The following AKAP6 variants were observed in gnomAD, a reference collection of about 807,000 sequenced individuals.
AKAP6 encodes A-kinase anchoring protein 6, also known as A-kinase anchor protein 6.
Under a neutral mutation model 188.5 loss-of-function variants are expected in AKAP6, and 58 were observed. The ratio of observed to expected loss-of-function variants is 0.31; its 90% CI spans 0.25 to 0.38. The LOEUF is 0.38. Among genes scored for constraint, AKAP6 ranks in the 10% least tolerant of loss-of-function variants. The pLI is 1.00. For synonymous variants in AKAP6, 989 were observed against 998.6 expected, an observed-to-expected ratio of 0.99 and a Z score of 0.18; for missense variants, 2,710 against 2,740.0, an observed-to-expected ratio of 0.99 and a Z score of 0.24.
intron 11 of AKAP6, among the ~76,000 whole-genome samples, chr14:32,758,699 C>T (rs1162953552): frequency 6.6e-6 from 1 of 152,152 alleles, no homozygotes; most frequent in East Asian, 1.9e-4. Context: ...CACCATTGCA[C>T]TCCACCCTGG....
chr14:32,428,083 G>C (rs1428370272), intron 1 of AKAP6, among the ~76,000 whole-genome samples: 1 of 152,150 alleles, frequency 6.6e-6, no homozygotes, highest in Non-Finnish European at 1.5e-5. Context: ...GACAGAGCAG[G>C]AATCTATTTG....
chr14:32,445,826 A>T (rs1890736675), intron 2 of AKAP6, among the ~76,000 whole-genome samples: 1 of 152,172 alleles, frequency 6.6e-6, no homozygotes, highest in African/African-American at 2.4e-5. Flanking sequence ...AAATCCAGAG[A>T]CAATTAGCAT....
At chr14:32,578,961 G>A (rs61983021) in intron 5 of AKAP6, among the ~76,000 whole-genome samples, 24,634 of 152,100 alleles carry the variant, frequency 0.16, 3,009 homozygotes, top group African/African-American at 0.34. Context: ...GCAGTTCACT[G>A]GAGCTTTTGG....
At chr14:32,792,071 T>C (rs1156358965) in intron 12 of AKAP6, among the ~76,000 whole-genome samples, 1 of 152,214 alleles carries the variant, frequency 6.6e-6, no homozygotes, top group Admixed American at 6.5e-5. Context: ...TCTAGCTTTG[T>C]TCTTTTTGCT....
intron 4 of AKAP6, among the ~76,000 whole-genome samples, chr14:32,569,560 G>C (rs1884374271): frequency 6.6e-6 from 1 of 152,124 alleles, no homozygotes; most frequent in South Asian, 2.1e-4. Flanking sequence ...TATATAGTTA[G>C]TTGGTTGGGA....
At chr14:32,629,628 G>A (rs960172416) in intron 7 of AKAP6, among the ~76,000 whole-genome samples, 1 of 151,312 alleles carries the variant, frequency 6.6e-6, no homozygotes, top group Non-Finnish European at 1.5e-5. Context: ...GTAAGAGAAT[G>A]TACAAGTAAG....
chr14:32,822,427 C>T lies in AKAP6; in HGVS notation c.4614C>T (p.Arg1538=), dbSNP rs1323272707. 6.2e-7 allele frequency: 1 copy of T among 1,613,868 alleles called. No homozygotes were observed. The highest frequency in any genetic ancestry group is 1.3e-5 in the African/African-American group (1 of 74,908). ...ILASASHEMD[R]ISYKSGNIEK... ...CAAGTGCATCTCATGAAATGGATCG[C>T]ATTTCATATAAAAGTGGCAATATAG... Residue 1538 remains arginine (R), a synonymous_variant, in exon 13 of 14, where the codon CGC becomes CGT. Transcript: ENST00000280979.
At chr14:32,749,773 G>A (rs1224895940) in intron 11 of AKAP6, among the ~76,000 whole-genome samples, 2 of 152,232 alleles carry the variant, frequency 1.3e-5, no homozygotes, top group Non-Finnish European at 2.9e-5. Flanking sequence ...TAATGACCAA[G>A]TTGAAGAGAT....
chr14:32,476,962 CATAG>C (rs1183391172), intron 2 of AKAP6, among the ~76,000 whole-genome samples: 1 of 152,174 alleles, frequency 6.6e-6, no homozygotes, highest in Non-Finnish European at 1.5e-5. Flanking sequence ...TCTTACAAGT[CATAG>C]ATAGATTCAA....
At chr14:32,468,056 C>T (rs1012053539) in intron 2 of AKAP6, among the ~76,000 whole-genome samples, 2 of 151,976 alleles carry the variant, frequency 1.3e-5, no homozygotes, top group Admixed American at 6.6e-5. Flanking sequence ...CCCTAATTGT[C>T]ATCTCCCTTT....
At position 32,822,516 on chromosome 14, in the gene AKAP6, T is replaced by C. The variant is rs1400036780; in HGVS notation, c.4703T>C (p.Ile1568Thr). Reference sequence around the variant, plus strand: ...TCCCTTTTATCTCATAGTTCATCTATTGAGTCCCTTTCTCCAGGGGGTGAT... The same window carrying C: ...TCCCTTTTATCTCATAGTTCATCTACTGAGTCCCTTTCTCCAGGGGGTGAT... ...QLSLLSHSSS[I>T]ESLSPGGDLF... is the part of the protein sequence containing the mutation. Residue 1568 changes from isoleucine to threonine, a missense_variant, in exon 13 of 14, where the codon ATT (isoleucine) becomes ACT (threonine). Physicochemically the swap from Ile to Thr is moderately conservative, Grantham distance 89. Around this residue, in one of 2 missense-constraint regions of AKAP6, gnomAD observed 2,473 missense variants for 2,426.1 expected, o/e 1.02. Coordinates refer to ENST00000280979, the MANE Select transcript of AKAP6 (RefSeq NM_004274.5). 2 of 1,613,964 alleles carry C rather than the reference T, an allele frequency of 1.2e-6. No homozygotes were observed. The highest frequency in any genetic ancestry group is 1.1e-5 in the South Asian group (1 of 91,082).
chr14:32,471,610 A>T (rs574945232), intron 2 of AKAP6, among the ~76,000 whole-genome samples: 1 of 152,170 alleles, frequency 6.6e-6, no homozygotes, highest in Non-Finnish European at 1.5e-5. Flanking sequence ...TTCATTGTAA[A>T]CCCTTTCAAC....
intron 9 of AKAP6, among the ~76,000 whole-genome samples, chr14:32,729,217 T>G (rs1196279645): frequency 1.3e-5 from 2 of 152,084 alleles, no homozygotes; most frequent in Non-Finnish European, 1.5e-5. Context: ...CAATTAACAC[T>G]GTTTCAAGGC....
At chr14:32,655,616 C>T (rs765392787) in intron 7 of AKAP6, among the ~76,000 whole-genome samples, 2 of 152,018 alleles carry the variant, frequency 1.3e-5, no homozygotes, top group African/African-American at 4.8e-5. Flanking sequence ...TTCGTGTTGG[C>T]CCTTAGAGGA....
At chr14:32,633,554 G>A (rs1214857398) in intron 7 of AKAP6, among the ~76,000 whole-genome samples, 1 of 152,030 alleles carries the variant, frequency 6.6e-6, no homozygotes, top group African/African-American at 2.4e-5. Context: ...ACAATGGTAA[G>A]TGAGCAGATG....
chr14:32,443,418 C>CA (rs1422670159), intron 2 of AKAP6, among the ~76,000 whole-genome samples: 2 of 148,340 alleles, frequency 1.3e-5, no homozygotes, highest in Non-Finnish European at 3.0e-5. Context: ...AAAAAAAAAA[C>CA]AAAAAAACAA....
At chr14:32,763,270 T>C (rs2032599415) in intron 11 of AKAP6, among the ~76,000 whole-genome samples, 1 of 152,166 alleles carries the variant, frequency 6.6e-6, no homozygotes, top group Non-Finnish European at 1.5e-5. Flanking sequence ...ATTTCCAAAA[T>C]GTCAAACTTA....
intron 1 of AKAP6, among the ~76,000 whole-genome samples, chr14:32,351,159 A>C (rs145859002): frequency 6.6e-6 from 1 of 152,338 alleles, no homozygotes; most frequent in African/African-American, 2.4e-5. Context: ...CTTTATTTTT[A>C]AGCATTTTAG....
intron 1 of AKAP6, among the ~76,000 whole-genome samples, chr14:32,363,829 C>T (rs1414682158): frequency 6.6e-6 from 1 of 152,142 alleles, no homozygotes; most frequent in East Asian, 1.9e-4. Flanking sequence ...ATCAAGTTGA[C>T]AATATTAACC....
Sources: allele counts gnomAD v4.1 joint callset (sites outside exome capture counted in the v4.1 genomes callset), GRCh38; gene constraint gnomAD v4.1.1; regional missense constraint gnomAD v4.1.1; transcripts MANE v1.5; gene names NCBI Gene and HGNC (gene_info 2026-07-23, HGNC 2026-07-21).